Variants in ARHGAP21 observed in about 807,000 individuals in gnomAD.
ARHGAP21 encodes Rho GTPase activating protein 21, also known as rho GTPase-activating protein 21.
ARHGAP21 carries 38 observed loss-of-function variants against 164.6 expected under a neutral mutation model. That is an observed-to-expected ratio of 0.23 (90% CI 0.18 to 0.30). The LOEUF is 0.30. Ranked by LOEUF, ARHGAP21 falls within the 10% of genes least tolerant of loss-of-function variation. ARHGAP21 has a pLI of 1.00. For missense variants in ARHGAP21, 1,822 were observed against 2,370.7 expected, an observed-to-expected ratio of 0.77 and a Z score of 4.81; for synonymous variants, 766 against 857.9, an observed-to-expected ratio of 0.89 and a Z score of 1.87.
chr10:24,717,221 G>A (rs562124561), intron 2 of ARHGAP21, among the ~76,000 whole-genome samples: 5 of 152,326 alleles, frequency 3.3e-5, no homozygotes, highest in East Asian at 3.9e-4. Flanking sequence ...AGGTGACAAC[G>A]AGGAAGGAAG....
intron 4 of ARHGAP21, among the ~76,000 whole-genome samples, chr10:24,641,744 C>T (rs1020307377): frequency 6.6e-6 from 1 of 152,090 alleles, no homozygotes; most frequent in Non-Finnish European, 1.5e-5. Flanking sequence ...GCCTGTAATC[C>T]CAGCACTTTG....
intron 21 of ARHGAP21, among the ~76,000 whole-genome samples, chr10:24,593,750 A>T (rs887841786): frequency 1.1e-4 from 16 of 152,346 alleles, no homozygotes; most frequent in Middle Eastern, 3.4e-3. Context: ...CTGATGAATG[A>T]TGTAATAGAT....
At chr10:24,611,228 C>T (rs2077246357) in intron 9 of ARHGAP21, among the ~76,000 whole-genome samples, 1 of 152,064 alleles carries the variant, frequency 6.6e-6, no homozygotes, top group South Asian at 2.1e-4. Flanking sequence ...GCAGTCAGGG[C>T]CCCTTATATT....
chr10:24,653,353 T>G (rs1030580099), intron 4 of ARHGAP21, among the ~76,000 whole-genome samples: 5 of 152,056 alleles, frequency 3.3e-5, no homozygotes, highest in Non-Finnish European at 7.4e-5. Flanking sequence ...GGCGGGTGGA[T>G]CATGAGGTCA....
intron 4 of ARHGAP21, among the ~76,000 whole-genome samples, chr10:24,641,997 GAAAAAA>G (rs202129015): frequency 1.8e-5 from 2 of 113,518 alleles, no homozygotes; most frequent in African/African-American, 3.1e-5. Flanking sequence ...CTCCATCTTG[GAAAAAA>G]AAAAAAAAAA....
chr10:24,684,789 C>G (rs1309608255), intron 2 of ARHGAP21, among the ~76,000 whole-genome samples: 1 of 152,182 alleles, frequency 6.6e-6, no homozygotes, highest in African/African-American at 2.4e-5. Context: ...CAGGCGCCCG[C>G]CATCTTGCCC....
intron 4 of ARHGAP21, among the ~76,000 whole-genome samples, chr10:24,660,885 T>C (rs1839615867): frequency 6.6e-6 from 1 of 152,042 alleles, no homozygotes; most frequent in Non-Finnish European, 1.5e-5. Context: ...TGCTCATCAG[T>C]ATACCACAGG....
chr10:24,656,219 G>C (rs1425211124), intron 4 of ARHGAP21, among the ~76,000 whole-genome samples: 1 of 136,670 alleles, frequency 7.3e-6, no homozygotes, highest in East Asian at 2.3e-4. Flanking sequence ...AGGTGGGGGG[G>C]TCATCCCCCC....
intron 13 of ARHGAP21, 28 bp from the exon 14 acceptor site, chr10:24,600,958 A>G (rs757159809): frequency 6.3e-7 from 1 of 1,597,688 alleles, no homozygotes; most frequent in Non-Finnish European, 8.6e-7. Flanking sequence ...GTTCTTTAAT[A>G]GTCAATATTT....
chr10:24,622,382 A>C (rs1361701757), intron 8 of ARHGAP21, among the ~76,000 whole-genome samples: 1 of 146,846 alleles, frequency 6.8e-6, no homozygotes, highest in African/African-American at 2.5e-5. Flanking sequence ...TGCAGCCACA[A>C]ACGTAACAGC....
At chr10:24,622,433 C>CATATAA (rs1834641784) in intron 8 of ARHGAP21, among the ~76,000 whole-genome samples, 37 of 89,760 alleles carry the variant, frequency 4.1e-4, no homozygotes, top group African/African-American at 1.5e-3. Context: ...ACTTAAAAAA[C>CATATAA]ATATATATAT....
At chr10:24,690,867 T>TAC (rs1341362016) in intron 2 of ARHGAP21, among the ~76,000 whole-genome samples, 11 of 150,320 alleles carry the variant, frequency 7.3e-5, no homozygotes, top group African/African-American at 9.8e-5. Flanking sequence ...CATATATATA[T>TAC]ACACACACAC....
intron 2 of ARHGAP21, among the ~76,000 whole-genome samples, chr10:24,712,047 T>C (rs1844881701): frequency 6.6e-6 from 1 of 152,124 alleles, no homozygotes. Flanking sequence ...CCCGAGTAGC[T>C]GGAATTACAG....
Position 24,600,875 on chromosome 10 carries a change from T to C in ARHGAP21, c.2903A>G (p.His968Arg), listed in dbSNP as rs761576609. Residue 968 changes from histidine (H) to arginine (R), a missense_variant, in exon 14 of 26, where the codon CAT (histidine) becomes CGT (arginine). Transcript: ENST00000396432. ...WKQMYVVLRG[H>R]SLYLYKDKRE... ...TTTATCTTTGTACAGGTAAAGTGAA[T>C]GACCCCGAAGGACAACATACATCTG... is the stretch of plus-strand genomic sequence containing the variant. The C allele has an allele frequency of 1.2e-6, 2 of 1,614,220 alleles. No individual in the cohort carries two copies. The highest frequency in any genetic ancestry group is 1.7e-6 in the Non-Finnish European group (2 of 1,180,006).
chr10:24,591,260 AT>A lies in ARHGAP21; in HGVS notation c.4114del (p.Ile1372LeufsTer122). The part of the protein sequence containing the change: ...VPNIDHLLTN[I>X]GRTGVSPGDV... ...TCCTGGGGAGACTCCTGTCCTTCCA[AT>A]GTTGGTGAGTAAATGATCTATGTTT... On this transcript the variant is annotated frameshift_variant, in exon 24 of 26. Coordinates refer to ENST00000396432, the MANE Select transcript of ARHGAP21 (RefSeq NM_020824.4). LOFTEE classifies it high-confidence loss of function. 1 of 1,612,538 alleles carries A rather than the reference AT, an allele frequency of 6.2e-7. No homozygotes were observed. Among genetic ancestry groups the A allele is most frequent in the Non-Finnish European group, 8.5e-7 (1 of 1,179,952 alleles).
chr10:24,687,783 C>A (rs914992198), intron 2 of ARHGAP21, among the ~76,000 whole-genome samples: 2 of 152,104 alleles, frequency 1.3e-5, no homozygotes, highest in Non-Finnish European at 2.9e-5. Flanking sequence ...AATGCAATCC[C>A]CTTTGAGCAG....
intron 6 of ARHGAP21, among the ~76,000 whole-genome samples, chr10:24,631,573 T>C (rs1225751199): frequency 2.0e-5 from 3 of 152,180 alleles, no homozygotes; most frequent in Non-Finnish European, 4.4e-5. Flanking sequence ...TTTAGTTTCA[T>C]AAATGCTCAG....
chr10:24,686,662 G>A (rs560865583), intron 2 of ARHGAP21, among the ~76,000 whole-genome samples: 2 of 152,188 alleles, frequency 1.3e-5, no homozygotes, highest in Non-Finnish European at 2.9e-5. Flanking sequence ...TTTGGAATTA[G>A]GAGCTGTTTA....
chr10:24,616,702 T>C (rs1593038986), intron 9 of ARHGAP21, among the ~76,000 whole-genome samples: 1 of 152,196 alleles, frequency 6.6e-6, no homozygotes, highest in East Asian at 1.9e-4. Flanking sequence ...TTACTAGTAA[T>C]GAGTGGTATA....
Sources: gnomAD v4.1 joint callset for allele counts (sites outside exome capture counted in the v4.1 genomes callset) on GRCh38, gnomAD v4.1.1 for gene constraint, MANE v1.5 for transcripts, NCBI Gene and HGNC (gene_info 2026-07-23, HGNC 2026-07-21) for gene names.